The following LHFPL6 variants were observed in gnomAD, a reference collection of about 807,000 sequenced individuals.
LHFPL6 encodes LHFPL tetraspan subfamily member 6, also known as LHFPL tetraspan subfamily member 6 protein.
In LHFPL6, 9 loss-of-function variants were observed where a neutral mutation model predicts 20.6. The observed-to-expected ratio is 0.44, with a 90% CI of 0.26 to 0.76. The LOEUF (loss-of-function observed/expected upper bound fraction) is 0.76, where lower values mean the gene tolerates loss of function less well. Ranked by LOEUF, LHFPL6 falls within the 30% of genes least tolerant of loss-of-function variation. LHFPL6 has a pLI of 0.20. For synonymous variants in LHFPL6, 105 were observed against 98.7 expected, an observed-to-expected ratio of 1.06 and a Z score of -0.38; for missense variants, 218 against 253.5, an observed-to-expected ratio of 0.86 and a Z score of 0.95.
chr13:39,476,072 A>T (rs756156558), intron 2 of LHFPL6, among the ~76,000 whole-genome samples: 14 of 152,242 alleles, frequency 9.2e-5, no homozygotes, highest in Non-Finnish European at 5.9e-5. Context: ...TACCTTTTCC[A>T]TAAACTGAGT....
chr13:39,345,966 C>T (rs1009851868), intron 3 of LHFPL6, among the ~76,000 whole-genome samples: 2 of 152,214 alleles, frequency 1.3e-5, no homozygotes, highest in East Asian at 3.8e-4. Flanking sequence ...CCTCTTTTCT[C>T]AGCCTCTCAC....
intron 2 of LHFPL6, among the ~76,000 whole-genome samples, chr13:39,494,861 T>G (rs1240723563): frequency 6.6e-6 from 1 of 152,230 alleles, no homozygotes; most frequent in Non-Finnish European, 1.5e-5. Context: ...GCATTCCTTT[T>G]CAAATTAATT....
intron 2 of LHFPL6, among the ~76,000 whole-genome samples, chr13:39,538,093 C>A (rs971477809): frequency 6.6e-6 from 1 of 150,756 alleles, no homozygotes; most frequent in Non-Finnish European, 1.5e-5. Flanking sequence ...CAGGTTCAAG[C>A]GATTCTCCTG....
At position 39,393,895 on chromosome 13, in the gene LHFPL6, C is replaced by T. The variant is rs190736995; in HGVS notation, c.386-15369G>A. Among the ~76,000 whole-genome samples the T allele has an allele frequency of 1.9e-4, 29 of 152,296 alleles. No homozygotes were observed. In the East Asian group the frequency reaches 2.5e-3, roughly 13 times the overall value. On this transcript the variant is annotated intron_variant, in intron 2 of 3. Transcript: ENST00000379589. ...ACGGTATCCTCACACGGTCTTTCCTCTCTAAGCAGACATCCCTAATGTCTC... is the reference window on the plus strand; with the variant it reads ...ACGGTATCCTCACACGGTCTTTCCTTTCTAAGCAGACATCCCTAATGTCTC...
chr13:39,528,782 G>A (rs1425524953), intron 2 of LHFPL6, among the ~76,000 whole-genome samples: 2 of 152,090 alleles, frequency 1.3e-5, no homozygotes, highest in South Asian at 2.1e-4. Context: ...TAGGTCCCAA[G>A]ATATTCTTCC....
intron 2 of LHFPL6, among the ~76,000 whole-genome samples, chr13:39,461,618 G>A (rs143593345): frequency 3.9e-5 from 6 of 152,120 alleles, no homozygotes; most frequent in Admixed American, 6.5e-5. Flanking sequence ...CATTATCAAA[G>A]ATGATTTATA....
chr13:39,454,303 A>T (rs934940065), intron 2 of LHFPL6, among the ~76,000 whole-genome samples: 1 of 152,148 alleles, frequency 6.6e-6, no homozygotes, highest in African/African-American at 2.4e-5. Flanking sequence ...AGTTGGTGAC[A>T]CTCCAATTTC....
intron 2 of LHFPL6, among the ~76,000 whole-genome samples, chr13:39,566,731 TAAAAA>T (rs3035077): frequency 1.4e-5 from 1 of 70,086 alleles, no homozygotes. Flanking sequence ...AGACCCTGTC[TAAAAA>T]AAAAAAAAAA....
chr13:39,522,751 AG>A (rs1870151045), intron 2 of LHFPL6, among the ~76,000 whole-genome samples: 1 of 152,244 alleles, frequency 6.6e-6, no homozygotes, highest in Admixed American at 6.5e-5. Context: ...CCTCCCAGAC[AG>A]GCAACCACAA....
Position 39,387,195 on chromosome 13 carries a change from C to G in LHFPL6, c.386-8669G>C, listed in dbSNP as rs112853243. On this transcript the variant is annotated intron_variant, in intron 2 of 3. Transcript: ENST00000379589. ...TAATATTATTTAGTACTTTAAAATC[C>G]TCAGAAAAATGTATTTTTGTACACA... Among the ~76,000 whole-genome samples, 501 of 152,114 alleles carry G rather than the reference C, an allele frequency of 3.3e-3. 7 individuals are homozygous for G. Among genetic ancestry groups the G allele is most frequent in the African/African-American group, 0.011 (469 of 41,490 alleles).
chr13:39,439,774 TC>T (rs1872062977), intron 2 of LHFPL6, among the ~76,000 whole-genome samples: 1 of 152,148 alleles, frequency 6.6e-6, no homozygotes, highest in African/African-American at 2.4e-5. Context: ...TTCCTCCTTC[TC>T]TGGCATGTGA....
chr13:39,549,182 A>C (rs9548807), intron 2 of LHFPL6, among the ~76,000 whole-genome samples: 133,228 of 151,946 alleles, frequency 0.88, 58,665 homozygotes, highest in African/African-American at 0.94. Context: ...CAGGAAAAAA[A>C]AAATTGAAAT....
At chr13:39,550,245 T>C (rs1871110140) in intron 2 of LHFPL6, among the ~76,000 whole-genome samples, 1 of 152,100 alleles carries the variant, frequency 6.6e-6, no homozygotes, top group Non-Finnish European at 1.5e-5. Flanking sequence ...AGGTCACTGA[T>C]TGTCAGAGCA....
intron 2 of LHFPL6, among the ~76,000 whole-genome samples, chr13:39,538,934 A>G (rs541740670): frequency 6.6e-6 from 1 of 152,198 alleles, no homozygotes; most frequent in Non-Finnish European, 1.5e-5. Flanking sequence ...TTAGGGTAAG[A>G]GTAAATATTT....
Position 39,601,155 on chromosome 13 carries a change from G to C in LHFPL6, c.62C>G (p.Ala21Gly). 6.2e-7 allele frequency: 1 copy of C among 1,614,050 alleles called. No individual in the cohort carries two copies. Among genetic ancestry groups the C allele is most frequent in the South Asian group, 1.1e-5 (1 of 91,076 alleles). ...IWALLSFLCA[A>G]TSCVGFFMPY... The stretch of plus-strand genomic sequence containing the variant: ...CATAAAGAACCCCACGCAGGAGGTG[G>C]CAGCACAAAGAAAAGACAGCAAAGC... Residue 21 changes from alanine (A) to glycine (G), a missense_variant, in exon 2 of 4, where the codon GCC (alanine) becomes GGC (glycine). Physicochemically the swap from Ala to Gly is moderately conservative, Grantham distance 60 (BLOSUM62 0). Transcript: ENST00000379589.
chr13:39,528,499 G>C (rs1870362375), intron 2 of LHFPL6, among the ~76,000 whole-genome samples: 1 of 152,184 alleles, frequency 6.6e-6, no homozygotes, highest in South Asian at 2.1e-4. Flanking sequence ...CCAAGCTGTA[G>C]GGCATCCCTC....
At chr13:39,361,781 GTAGAT>G (rs1566093662) in intron 3 of LHFPL6, among the ~76,000 whole-genome samples, 1 of 152,204 alleles carries the variant, frequency 6.6e-6, no homozygotes, top group Non-Finnish European at 1.5e-5. Context: ...TATAAGGTCT[GTAGAT>G]TAGATAATAG....
At chr13:39,470,897 C>T (rs1197559863) in intron 2 of LHFPL6, among the ~76,000 whole-genome samples, 1 of 152,214 alleles carries the variant, frequency 6.6e-6, no homozygotes, top group Non-Finnish European at 1.5e-5. Flanking sequence ...GTGGTTACCT[C>T]CTTCTCCCTC....
intron 2 of LHFPL6, among the ~76,000 whole-genome samples, chr13:39,499,543 C>T (rs1317458069): frequency 6.7e-6 from 1 of 149,032 alleles, no homozygotes. Context: ...CCACGAGGTC[C>T]AGGTGTAGAT....
Sources: allele counts gnomAD v4.1 joint callset (sites outside exome capture counted in the v4.1 genomes callset), GRCh38; gene constraint gnomAD v4.1.1; transcripts MANE v1.5; gene names NCBI Gene and HGNC (gene_info 2026-07-23, HGNC 2026-07-21).